Variants in OPA1 observed in about 807,000 individuals in gnomAD.
The protein encoded by OPA1 is OPA1 mitochondrial dynamin like GTPase.
A neutral mutation model predicts 152.9 loss-of-function variants in OPA1; 59 were observed. That is an observed-to-expected ratio of 0.39 (90% CI 0.31 to 0.48). The LOEUF is 0.48. Among genes scored for constraint, OPA1 ranks in the 20% least tolerant of loss-of-function variants. The pLI is 0.96. For missense variants in OPA1, 1,008 were observed against 1,216.8 expected, an observed-to-expected ratio of 0.83 and a Z score of 2.55; for synonymous variants, 400 against 389.9, an observed-to-expected ratio of 1.03 and a Z score of -0.31.
In OPA1 at chr3:193,640,305, G is replaced by C. The variant is rs1025781535; in HGVS notation, c.1149+2240G>C. 1.6e-4 allele frequency among the ~76,000 whole-genome samples: 24 copies of C among 152,326 alleles called. No homozygotes were observed. The Middle Eastern group carries it at 0.01, about 65-fold the overall frequency. ...GGAAGAGAAAATAACAAAGGAATGTGTGAAGGCCCAACCAGTATAGTAAGA... is the reference window on the plus strand; with the variant it reads ...GGAAGAGAAAATAACAAAGGAATGTCTGAAGGCCCAACCAGTATAGTAAGA... On this transcript the variant is annotated intron_variant, in intron 11 of 30. Transcript: ENST00000361510.
intron 1 of OPA1, among the ~76,000 whole-genome samples, chr3:193,608,164 C>G (rs1259332900): frequency 6.6e-6 from 1 of 152,132 alleles, no homozygotes; most frequent in East Asian, 1.9e-4. Context: ...TTACTGGATT[C>G]ATTGATTTTT....
chr3:193,685,982 T>G (rs1315523109), intron 29 of OPA1, among the ~76,000 whole-genome samples: 3 of 152,182 alleles, frequency 2.0e-5, no homozygotes, highest in Non-Finnish European at 4.4e-5. Flanking sequence ...TGTTCTCTGC[T>G]TTATAAAAAT....
At chr3:193,677,468 A>C (rs912307424) in intron 29 of OPA1, among the ~76,000 whole-genome samples, 2 of 152,004 alleles carry the variant, frequency 1.3e-5, no homozygotes, top group African/African-American at 4.8e-5. Flanking sequence ...GTTTTTGCAT[A>C]TTTGATAGAA....
intron 29 of OPA1, among the ~76,000 whole-genome samples, chr3:193,687,290 A>G (rs1276164382): frequency 6.6e-6 from 1 of 152,240 alleles, no homozygotes; most frequent in Non-Finnish European, 1.5e-5. Context: ...GACTCAATCA[A>G]GAAGCACAGT....
chr3:193,641,347 G>A (rs1484056538), intron 11 of OPA1, among the ~76,000 whole-genome samples: 1 of 152,182 alleles, frequency 6.6e-6, no homozygotes, highest in Non-Finnish European at 1.5e-5. Context: ...CCCTAGAGCA[G>A]TGAAAGTGCC....
Position 193,665,009 on chromosome 3 carries a change from A to G in OPA1, c.2778+13A>G. The G allele has an allele frequency of 7.3e-7, 1 of 1,363,580 alleles. No individual in the cohort carries two copies. The highest frequency in any genetic ancestry group is 2.3e-5 in the East Asian group (1 of 43,544). The allele number at this position is 1,363,580 out of a possible 1,614,324, so 84.5% of individuals were successfully genotyped here. A position where few individuals can be genotyped will look rare whatever the true frequency, so the allele number is the denominator to read the frequency against. On this transcript the variant is annotated intron_variant, in intron 27 of 30. Coordinates refer to ENST00000361510, the MANE Select transcript of OPA1 (RefSeq NM_130837.3). ...TGTAGATTCTGAGGTAAGGTTTCCA[A>G]AAACAAAGAGAAGTATTTTTAAGCA...
chr3:193,604,087 T>C (rs281798), intron 1 of OPA1, among the ~76,000 whole-genome samples: 28,779 of 152,212 alleles, frequency 0.19, 3,153 homozygotes, highest in South Asian at 0.4. Flanking sequence ...GTTCATTTCC[T>C]AAAACCAGAT....
chr3:193,675,061 A>T (rs1471580979), intron 29 of OPA1, among the ~76,000 whole-genome samples: 1 of 152,166 alleles, frequency 6.6e-6, no homozygotes, highest in South Asian at 2.1e-4. Context: ...ATTGACATAC[A>T]TTCATTTGTA....
intron 6 of OPA1, among the ~76,000 whole-genome samples, chr3:193,622,975 T>C (rs1296634983): frequency 2.6e-5 from 4 of 152,236 alleles, no homozygotes; most frequent in Non-Finnish European, 5.9e-5. Flanking sequence ...GCTGTAAAAG[T>C]AGTTCATGTA....
rs140645192 is a variant in OPA1 at position 193,665,478 on chromosome 3, T to C, written c.2778+482T>C. Among the ~76,000 whole-genome samples, 855 of 152,254 alleles carry C rather than the reference T, an allele frequency of 5.6e-3. 10 individuals carry two copies. The highest frequency in any genetic ancestry group is 0.019 in the African/African-American group (801 of 41,580). ...GTTTTTATCATGCTTTTTTCAGGTG[T>C]CATAATTATTTCTTCATATCACTAA... is the stretch of plus-strand genomic sequence containing the variant. On this transcript the variant is annotated intron_variant, in intron 27 of 30. Transcript: ENST00000361510.
intron 30 of OPA1, among the ~76,000 whole-genome samples, chr3:193,693,879 C>T (rs1721994070): frequency 6.6e-6 from 1 of 152,172 alleles, no homozygotes; most frequent in African/African-American, 2.4e-5. Context: ...CTTGATCTCC[C>T]CTTTAGCACC....
intron 29 of OPA1, among the ~76,000 whole-genome samples, chr3:193,670,403 T>G (rs2109309602): frequency 6.6e-6 from 1 of 151,644 alleles, no homozygotes; most frequent in Non-Finnish European, 1.5e-5. Context: ...TTTTTTTTTT[T>G]GAGATGGAGT....
At chr3:193,617,522 A>G (rs1729234956) in intron 4 of OPA1, among the ~76,000 whole-genome samples, 1 of 152,200 alleles carries the variant, frequency 6.6e-6, no homozygotes, top group South Asian at 2.1e-4. Context: ...TAGTGAGGGG[A>G]AAAAATGTAT....
At chr3:193,613,551 C>G (rs976478634) in intron 1 of OPA1, among the ~76,000 whole-genome samples, 2 of 151,868 alleles carry the variant, frequency 1.3e-5, no homozygotes, top group African/African-American at 2.4e-5. Flanking sequence ...GATTCCTCCT[C>G]CTCCTTCTTT....
intron 10 of OPA1, 91 bp from the exon 11 acceptor site, chr3:193,637,861 A>G: frequency 5.8e-6 from 6 of 1,039,936 alleles, no homozygotes; most frequent in Non-Finnish European, 8.8e-6. Flanking sequence ...ATTTTAAAAG[A>G]CTAAAAAACT....
At chr3:193,593,859 C>T (rs1393727061) in intron 1 of OPA1, among the ~76,000 whole-genome samples, 2 of 152,092 alleles carry the variant, frequency 1.3e-5, no homozygotes, top group Non-Finnish European at 2.9e-5. Context: ...GTGTACATTG[C>T]ATCTTCAGGT....
intron 28 of OPA1, among the ~76,000 whole-genome samples, chr3:193,666,769 G>A (rs1391808788): frequency 6.6e-6 from 1 of 151,942 alleles, no homozygotes; most frequent in Non-Finnish European, 1.5e-5. Context: ...TAGCCTAGGT[G>A]ACAGAGTAAG....
chr3:193,648,044 A>G (rs1361075532), intron 19 of OPA1, 26 bp from the exon 20 acceptor site: 2 of 1,573,838 alleles, frequency 1.3e-6, no homozygotes, highest in African/African-American at 2.7e-5. Context: ...AGGGTCATCA[A>G]ACTTGAACTT....
intron 29 of OPA1, among the ~76,000 whole-genome samples, chr3:193,672,534 C>T (rs1343389926): frequency 6.6e-6 from 1 of 152,164 alleles, no homozygotes; most frequent in East Asian, 1.9e-4. Context: ...GATACTGACA[C>T]ATTCAAGGGG....
Sources: allele counts gnomAD v4.1 joint callset (sites outside exome capture counted in the v4.1 genomes callset), GRCh38; gene constraint gnomAD v4.1.1; transcripts MANE v1.5; gene names NCBI Gene and HGNC (gene_info 2026-07-23, HGNC 2026-07-21).